The following TAOK3 variants were observed in gnomAD, a reference collection of about 807,000 sequenced individuals.
The protein encoded by TAOK3 is serine/threonine-protein kinase TAO3.
In TAOK3, 40 loss-of-function variants were observed where a neutral mutation model predicts 120.4. The observed-to-expected ratio is 0.33, with a 90% confidence interval of 0.26 to 0.43. TAOK3 has a LOEUF of 0.43. Among genes scored for constraint, TAOK3 ranks in the 20% least tolerant of loss-of-function variants. TAOK3 has a pLI of 1.00. For missense variants in TAOK3, 821 were observed against 1,112.1 expected, an observed-to-expected ratio of 0.74 and a Z score of 3.72; for synonymous variants, 355 against 387.5, an observed-to-expected ratio of 0.92 and a Z score of 0.99.
At chr12:118,272,765 G>A (rs892564983) in intron 1 of TAOK3, among the ~76,000 whole-genome samples, 1 of 151,722 alleles carries the variant, frequency 6.6e-6, no homozygotes, top group Non-Finnish European at 1.5e-5. Flanking sequence ...GAGTCCAGGA[G>A]TTTGAGAACA....
rs370446106 is a variant in TAOK3 at position 118,151,064 on chromosome 12, A to G, written c.2630T>C (p.Met877Thr). 3 of 1,610,728 alleles carry G rather than the reference A, an allele frequency of 1.9e-6. No homozygotes were observed. Among genetic ancestry groups the G allele is most frequent in the African/African-American group, 1.4e-5 (1 of 73,878 alleles). The change falls in exon 21 of 21, where the codon ATG becomes ACG. Residue 877 changes from methionine to threonine, a missense_variant. Transcript: ENST00000392533. The stretch of plus-strand genomic sequence containing the variant: ...CCCAAATCCCATTCTGAGGCTCTCC[A>G]TGTCAAAAGTTTCAATCTCTCGCTC... The part of the protein sequence containing the change: ...RQEREIETFD[M>T]ESLRMGFGNL...
At chr12:118,259,929 G>C (rs2041153052) in intron 2 of TAOK3, among the ~76,000 whole-genome samples, 1 of 151,840 alleles carries the variant, frequency 6.6e-6, no homozygotes, top group Admixed American at 6.6e-5. Flanking sequence ...CTTAGACCAG[G>C]GGAAAAAAAC....
At chr12:118,189,694 C>T in intron 14 of TAOK3, 113 bp downstream of exon 14, 4 of 1,285,410 alleles carry the variant, frequency 3.1e-6, no homozygotes, top group Non-Finnish European at 4.3e-6. Flanking sequence ...AGAAAACATT[C>T]TTGACTCCTT....
At chr12:118,265,020 C>T (rs559221016) in intron 2 of TAOK3, among the ~76,000 whole-genome samples, 108 of 151,562 alleles carry the variant, frequency 7.1e-4, no homozygotes, top group African/African-American at 2.6e-3. Flanking sequence ...GGCAACAGAG[C>T]GAGACTCTGT....
At chr12:118,193,302 G>A (rs1419835259) in intron 13 of TAOK3, among the ~76,000 whole-genome samples, 2 of 151,880 alleles carry the variant, frequency 1.3e-5, no homozygotes, top group African/African-American at 4.8e-5. Flanking sequence ...GCCTGCCTTG[G>A]CCTCTCAAAG....
At chr12:118,282,355 T>C (rs942281124) in intron 1 of TAOK3, among the ~76,000 whole-genome samples, 3 of 152,242 alleles carry the variant, frequency 2.0e-5, no homozygotes, top group Admixed American at 6.5e-5. Context: ...TAAAAAGTTA[T>C]AGAGAATTAC....
At chr12:118,201,631 T>C (rs572830017) in intron 11 of TAOK3, among the ~76,000 whole-genome samples, 168 bp from the exon 12 acceptor site, 122 of 152,334 alleles carry the variant, frequency 8.0e-4, no homozygotes, top group Non-Finnish European at 3.4e-4. Context: ...GTAAATCTCA[T>C]AAAGAGATAG....
chr12:118,278,269 A>G (rs542671816), intron 1 of TAOK3, among the ~76,000 whole-genome samples: 2 of 152,250 alleles, frequency 1.3e-5, no homozygotes, highest in East Asian at 1.9e-4. Flanking sequence ...CCAATATGGT[A>G]GTTTTTTGAT....
intron 1 of TAOK3, among the ~76,000 whole-genome samples, chr12:118,360,954 G>C (rs2141298433): frequency 6.6e-6 from 1 of 152,226 alleles, no homozygotes; most frequent in South Asian, 2.1e-4. Context: ...GTTCCAGCAG[G>C]GAAAAGGAAA....
At chr12:118,326,265 T>C (rs2043930815) in intron 1 of TAOK3, among the ~76,000 whole-genome samples, 1 of 152,220 alleles carries the variant, frequency 6.6e-6, no homozygotes, top group South Asian at 2.1e-4. Flanking sequence ...GAAGAGATTA[T>C]CCTTTCTCCA....
At chr12:118,227,315 A>C (rs969499993) in intron 9 of TAOK3, among the ~76,000 whole-genome samples, 1 of 147,848 alleles carries the variant, frequency 6.8e-6, no homozygotes, top group African/African-American at 2.4e-5. Context: ...TAAATATATA[A>C]AATATAAAAT....
chr12:118,223,645 A>ATTTT (rs370848653), intron 9 of TAOK3, among the ~76,000 whole-genome samples: 1 of 135,858 alleles, frequency 7.4e-6, no homozygotes. Context: ...CGCACCCGGC[A>ATTTT]TTTTTTTTTT....
chr12:118,194,229 G>A (rs2037586695), intron 13 of TAOK3, among the ~76,000 whole-genome samples: 1 of 152,094 alleles, frequency 6.6e-6, no homozygotes, highest in South Asian at 2.1e-4. Context: ...CTACGCTGTG[G>A]AGAAGGGATC....
At chr12:118,213,872 T>G (rs1040638528) in intron 10 of TAOK3, 145 bp downstream of exon 10, 3 of 696,888 alleles carry the variant, frequency 4.3e-6, no homozygotes, top group Non-Finnish European at 7.2e-6. Context: ...CAGTTGATGC[T>G]TGTGAGGCAT....
chr12:118,286,348 A>G (rs954095790), intron 1 of TAOK3, among the ~76,000 whole-genome samples: 2 of 152,192 alleles, frequency 1.3e-5, no homozygotes, highest in Admixed American at 1.3e-4. Flanking sequence ...TAACATACAG[A>G]ATCTACAACA....
chr12:118,358,868 C>A (rs1211661709), intron 1 of TAOK3: 1 of 151,980 alleles, frequency 6.6e-6, no homozygotes, highest in Non-Finnish European at 1.5e-5. Context: ...TAGACACAAA[C>A]CATATTTATA....
At chr12:118,319,318 C>T (rs1382226875) in intron 1 of TAOK3, among the ~76,000 whole-genome samples, 1 of 152,118 alleles carries the variant, frequency 6.6e-6, no homozygotes, top group Non-Finnish European at 1.5e-5. Context: ...ATAAATTGGA[C>T]TTTACTAAAA....
chr12:118,214,044 T>A lies in TAOK3; in HGVS notation c.710A>T (p.Asp237Val), dbSNP rs1360463303. The change falls in exon 10 of 21, where the codon GAC becomes GTC. Residue 237 changes from aspartate to valine, a missense_variant. Asp to Val is a radical substitution (Grantham distance 152). Transcript: ENST00000392533. ...MSALYHIAQNDSPTLQSNEWT... is the reference protein window; with the variant it reads ...MSALYHIAQNVSPTLQSNEWT... Reference sequence around the variant, plus strand: ...TTCATTAGACTGTAACGTTGGGGAGTCATTCTGGGCAATGTGATATAAGGC... The same window carrying A: ...TTCATTAGACTGTAACGTTGGGGAGACATTCTGGGCAATGTGATATAAGGC... 6.2e-7 allele frequency: 1 copy of A among 1,610,808 alleles called. No individual in the cohort carries two copies. Among genetic ancestry groups the A allele is most frequent in the Admixed American group, 1.7e-5 (1 of 59,308 alleles).
At chr12:118,186,171 A>T (rs562318295) in intron 14 of TAOK3, among the ~76,000 whole-genome samples, 16 of 152,310 alleles carry the variant, frequency 1.1e-4, no homozygotes, top group African/African-American at 3.6e-4. Flanking sequence ...CTATATTTGC[A>T]TGAATAGAAC....
Sources: gnomAD v4.1 joint callset for allele counts (sites outside exome capture counted in the v4.1 genomes callset) on GRCh38, gnomAD v4.1.1 for gene constraint, MANE v1.5 for transcripts, NCBI Gene and HGNC (gene_info 2026-07-23, HGNC 2026-07-21) for gene names.